The following BARX2 variants were observed in gnomAD, a reference collection of about 807,000 sequenced individuals.
The protein encoded by BARX2 is homeobox protein BarH-like 2.
Under a neutral mutation model 25.5 loss-of-function variants are expected in BARX2, and 11 were observed. That is an observed-to-expected ratio of 0.43 (90% CI 0.27 to 0.71). The LOEUF (loss-of-function observed/expected upper bound fraction) is 0.71, where lower values mean the gene tolerates loss of function less well. Ranked by LOEUF, BARX2 falls within the 30% of genes least tolerant of loss-of-function variation. The pLI is 0.19. For synonymous variants in BARX2, 137 were observed against 149.5 expected (o/e 0.92, Z 0.61); for missense variants, 360 against 359.9 (o/e 1.00, Z 0.00).
Position 129,376,050 on chromosome 11 carries a change from C to G in BARX2, c.15C>G (p.Ala5=). 2.5e-6 allele frequency: 4 copies of G among 1,591,100 alleles called. No individual in the cohort carries two copies. The highest frequency in any genetic ancestry group is 3.4e-6 in the Non-Finnish European group (4 of 1,170,942). The change falls in exon 1 of 4, where the codon GCC becomes GCG. Residue 5 remains alanine (A), a synonymous_variant. Transcript: ENST00000281437. The surrounding 1 kb of genome is among the most constrained non-coding windows in gnomAD (Gnocchi z 4.2). The stretch of plus-strand genomic sequence containing the variant: ...GCCGGCTCACCATGCACTGCCACGC[C>G]GAGCTGAGGCTGAGCTCGCCCGGCC... MHCH[A]ELRLSSPGQL...
intron 1 of BARX2, among the ~76,000 whole-genome samples, chr11:129,402,530 G>T (rs1326292553): frequency 3.3e-5 from 5 of 151,936 alleles, no homozygotes; most frequent in Admixed American, 2.0e-4. Context: ...TTCCCCATCT[G>T]TAAAAAAAAG....
At chr11:129,413,550 T>C (rs1861911454) in intron 1 of BARX2, among the ~76,000 whole-genome samples, 1 of 151,936 alleles carries the variant, frequency 6.6e-6, no homozygotes, top group African/African-American at 2.4e-5. Context: ...CGCTGGAGAG[T>C]CCAGAAGGTT....
rs561772225 is a variant in BARX2, at chr11:129,441,276, G to C, written c.489-1559G>C. On this transcript the variant is annotated intron_variant, in intron 2 of 3. Transcript: ENST00000281437. Reference sequence around the variant, plus strand: ...GCCCCAATGCAGGAGCTGGTGTACAGGTCAGACATCGTGGGTTTGAATCCT... The same window carrying C: ...GCCCCAATGCAGGAGCTGGTGTACACGTCAGACATCGTGGGTTTGAATCCT... Among the ~76,000 whole-genome samples, 10 of 152,194 alleles carry C rather than the reference G, an allele frequency of 6.6e-5. No individual in the cohort carries two copies. The South Asian group carries it at 1.0e-3, about 16-fold the overall frequency.
chr11:129,431,611 T>G (rs981016969), intron 1 of BARX2, among the ~76,000 whole-genome samples: 1 of 152,228 alleles, frequency 6.6e-6, no homozygotes. Flanking sequence ...TTCAAAACTT[T>G]GGCACGTTGT....
chr11:129,379,608 G>T (rs555752372), intron 1 of BARX2, among the ~76,000 whole-genome samples: 8 of 152,200 alleles, frequency 5.3e-5, no homozygotes, highest in African/African-American at 1.9e-4. Context: ...GGAAGCATCG[G>T]CGTGGTCATT....
chr11:129,440,329 T>C (rs1278587464), intron 2 of BARX2, among the ~76,000 whole-genome samples: 1 of 152,232 alleles, frequency 6.6e-6, no homozygotes, highest in Non-Finnish European at 1.5e-5. Context: ...TGCAGAGCTG[T>C]GAACTGAGCC....
chr11:129,429,538 C>T (rs935680089), intron 1 of BARX2, among the ~76,000 whole-genome samples: 4 of 151,924 alleles, frequency 2.6e-5, no homozygotes, highest in Admixed American at 6.6e-5. Flanking sequence ...GGAAAAAAAA[C>T]GGAAGTTCAA....
chr11:129,402,227 G>C lies in BARX2; in HGVS notation c.187+26005G>C, dbSNP rs563923819. On this transcript the variant is annotated intron_variant, in intron 1 of 3. Coordinates refer to ENST00000281437, the MANE Select transcript of BARX2 (RefSeq NM_003658.5). ...TATACCAGCAGAAGCCTGCAGCTTT[G>C]GGGGCACAGACCTGGCTTGAATTCT... 3.9e-5 allele frequency among the ~76,000 whole-genome samples: 6 copies of C among 152,138 alleles called. No individual in the cohort carries two copies. The East Asian group carries it at 1.2e-3, about 29-fold the overall frequency.
At chr11:129,411,288 G>A (rs529588552) in intron 1 of BARX2, among the ~76,000 whole-genome samples, 5 of 150,866 alleles carry the variant, frequency 3.3e-5, no homozygotes, top group South Asian at 2.1e-4. Flanking sequence ...GGAGAATGGC[G>A]TGAATCCGGG....
At chr11:129,398,279 T>G (rs1159570870) in intron 1 of BARX2, among the ~76,000 whole-genome samples, 4 of 152,152 alleles carry the variant, frequency 2.6e-5, no homozygotes, top group African/African-American at 7.2e-5. Context: ...CCATGTGTCT[T>G]GATGAAATTA....
At chr11:129,434,500 A>G (rs1349326499) in intron 1 of BARX2, among the ~76,000 whole-genome samples, 1 of 150,174 alleles carries the variant, frequency 6.7e-6, no homozygotes, top group East Asian at 2.0e-4. Flanking sequence ...GCTGGCTTCA[A>G]GCAGTCCTCC....
intron 1 of BARX2, among the ~76,000 whole-genome samples, chr11:129,426,194 CT>C (rs1419831615): frequency 6.6e-6 from 1 of 152,072 alleles, no homozygotes; most frequent in African/African-American, 2.4e-5. Context: ...TACTCAGAAT[CT>C]CTTTGTATTT....
At chr11:129,401,295 CAG>C (rs1161127121) in intron 1 of BARX2, among the ~76,000 whole-genome samples, 4 of 149,832 alleles carry the variant, frequency 2.7e-5, no homozygotes, top group Non-Finnish European at 5.9e-5. Context: ...TTTAGTATGG[CAG>C]AGACTTGACC....
chr11:129,410,615 G>T (rs1327802126), intron 1 of BARX2, among the ~76,000 whole-genome samples: 1 of 152,180 alleles, frequency 6.6e-6, no homozygotes, highest in Non-Finnish European at 1.5e-5. Context: ...GGGCCAGCAG[G>T]CCTCCCTATA....
At chr11:129,445,042 A>T (rs1308276564) in intron 3 of BARX2, among the ~76,000 whole-genome samples, 1 of 152,020 alleles carries the variant, frequency 6.6e-6, no homozygotes, top group Non-Finnish European at 1.5e-5. Context: ...ATAAAAATAA[A>T]ATAAAAAACC....
At chr11:129,417,667 G>C (rs1199984657) in intron 1 of BARX2, among the ~76,000 whole-genome samples, 1 of 152,234 alleles carries the variant, frequency 6.6e-6, no homozygotes, top group African/African-American at 2.4e-5. Context: ...TGTGTTGGTT[G>C]TTACACTTGG....
At chr11:129,445,395 GCCCA>G (rs1862313710) in intron 3 of BARX2, among the ~76,000 whole-genome samples, 1 of 152,224 alleles carries the variant, frequency 6.6e-6, no homozygotes, top group Non-Finnish European at 1.5e-5. Flanking sequence ...TGCCAGCACC[GCCCA>G]GTGCCCGTGG....
At chr11:129,401,957 A>G (rs78607442) in intron 1 of BARX2, among the ~76,000 whole-genome samples, 1 of 140,356 alleles carries the variant, frequency 7.1e-6, no homozygotes, top group African/African-American at 2.6e-5. Context: ...CTCTGTCTCA[A>G]AAAAAAAAAA....
intron 1 of BARX2, among the ~76,000 whole-genome samples, chr11:129,416,682 T>C (rs1861946442): frequency 6.6e-6 from 1 of 152,070 alleles, no homozygotes; most frequent in Non-Finnish European, 1.5e-5. Flanking sequence ...CACCTTTAGT[T>C]TATATTTAAA....
Sources: gnomAD v4.1 joint callset for allele counts (sites outside exome capture counted in the v4.1 genomes callset) on GRCh38, gnomAD v4.1.1 for gene constraint, Gnocchi (gnomAD v3.1) non-coding constraint, MANE v1.5 for transcripts, NCBI Gene and HGNC (gene_info 2026-07-23, HGNC 2026-07-21) for gene names.